The following DGKB variants were observed in gnomAD, a reference collection of about 807,000 sequenced individuals.
DGKB encodes the protein 90 kDa diacylglycerol kinase.
In DGKB, 67 loss-of-function variants were observed where a neutral mutation model predicts 114.3. The ratio of observed to expected loss-of-function variants is 0.59; its 90% CI spans 0.48 to 0.72. The LOEUF (loss-of-function observed/expected upper bound fraction) is 0.72. Ranked by LOEUF, DGKB falls within the 30% of genes least tolerant of loss-of-function variation. The pLI is 0.00. For synonymous variants in DGKB, 398 were observed against 323.1 expected, an observed-to-expected ratio of 1.23 and a Z score of -2.49; for missense variants, 907 against 975.2, an observed-to-expected ratio of 0.93 and a Z score of 0.93.
chr7:14,582,712 C>T (rs141310393), intron 18 of DGKB, among the ~76,000 whole-genome samples: 39 of 152,188 alleles, frequency 2.6e-4, no homozygotes, highest in African/African-American at 9.1e-4. Context: ...ACATCAATTT[C>T]GCACAGACTT....
chr7:14,440,507 A>G (rs29001476), intron 21 of DGKB, among the ~76,000 whole-genome samples: 4,088 of 152,130 alleles, frequency 0.027, 205 homozygotes, highest in African/African-American at 0.093. Context: ...TTTATTTTGT[A>G]GTCTGTTCTT....
intron 23 of DGKB, among the ~76,000 whole-genome samples, chr7:14,200,575 T>C (rs934010927): frequency 3.3e-5 from 5 of 152,094 alleles, no homozygotes; most frequent in African/African-American, 1.2e-4. Context: ...TATTTTCTTA[T>C]ACATATTGTT....
In DGKB at chr7:14,869,878, T is replaced by C. The variant is rs1338464132; in HGVS notation, c.-187-28428A>G. Among the ~76,000 whole-genome samples, 8 of 152,320 alleles carry C rather than the reference T, an allele frequency of 5.3e-5. No homozygotes were observed. The East Asian group carries it at 1.2e-3, about 22-fold the overall frequency. On this transcript the variant is annotated intron_variant, in intron 1 of 25. Coordinates refer to ENST00000402815, the MANE Select transcript of DGKB (RefSeq NM_001350709.2). ...ACAAGAGATGACTCGCTAATGCTCA[T>C]GCTATACCAGATCTAGTTTATGATC...
chr7:14,610,678 C>G (rs1404633462), intron 16 of DGKB, among the ~76,000 whole-genome samples: 1 of 151,962 alleles, frequency 6.6e-6, no homozygotes, highest in Non-Finnish European at 1.5e-5. Context: ...TCTCAATACC[C>G]TCTTTTCCCT....
At chr7:14,221,665 A>G (rs979818277) in intron 23 of DGKB, among the ~76,000 whole-genome samples, 1 of 151,440 alleles carries the variant, frequency 6.6e-6, no homozygotes, top group Non-Finnish European at 1.5e-5. Flanking sequence ...TTTCAGTGTC[A>G]TGATAATACT....
chr7:14,350,719 C>A (rs994653289), intron 21 of DGKB, among the ~76,000 whole-genome samples: 1 of 151,184 alleles, frequency 6.6e-6, no homozygotes, highest in Non-Finnish European at 1.5e-5. Flanking sequence ...AGATACTGAA[C>A]CCATTTTCAA....
intron 1 of DGKB, among the ~76,000 whole-genome samples, chr7:14,889,444 C>T (rs1013558826): frequency 3.3e-5 from 5 of 151,540 alleles, no homozygotes; most frequent in Admixed American, 1.3e-4. Context: ...TTTCTTAGTG[C>T]TTTCTTAGAC....
At chr7:14,781,174 G>C (rs1327173559) in intron 2 of DGKB, among the ~76,000 whole-genome samples, 1 of 152,164 alleles carries the variant, frequency 6.6e-6, no homozygotes, top group African/African-American at 2.4e-5. Context: ...ATGTGTGGTT[G>C]AGCAAGGGGC....
At chr7:14,604,199 G>A (rs1012374274) in intron 17 of DGKB, among the ~76,000 whole-genome samples, 1 of 151,984 alleles carries the variant, frequency 6.6e-6, no homozygotes, top group Admixed American at 6.6e-5. Flanking sequence ...TCAGGATCAG[G>A]GAGAGATGAT....
intron 20 of DGKB, among the ~76,000 whole-genome samples, chr7:14,508,050 C>G (rs559847862): frequency 2.0e-5 from 3 of 152,126 alleles, no homozygotes; most frequent in African/African-American, 7.2e-5. Flanking sequence ...TTCGTCTTTA[C>G]CCAGATGACT....
chr7:14,220,729 A>G (rs960969591), intron 23 of DGKB, among the ~76,000 whole-genome samples: 3 of 151,482 alleles, frequency 2.0e-5, no homozygotes, highest in African/African-American at 7.2e-5. Flanking sequence ...CCATGTTAAC[A>G]ATATTAAGTC....
At position 14,516,239 on chromosome 7, in the gene DGKB, C is replaced by T. The variant is rs62443498; in HGVS notation, c.1771-38014G>A. ...AGTAATATGTTGTTGGAATTCTCAG[C>T]AAATGAAACAAAAAAGTAAACTTTA... On this transcript the variant is annotated intron_variant, in intron 20 of 25. Transcript: ENST00000402815. Among the ~76,000 whole-genome samples the T allele has an allele frequency of 5.3e-3, 803 of 152,104 alleles. 5 individuals are homozygous for T. Among genetic ancestry groups the T allele is most frequent in the Middle Eastern group, 0.017 (5 of 294 alleles).
upstream of DGKB, chr7:14,903,299 A>G (rs1783411751): frequency 6.7e-6 from 1 of 149,852 alleles, no homozygotes; most frequent in Admixed American, 6.8e-5. Flanking sequence ...AGCCCTGCCT[A>G]TCTCTGGCTG....
intron 15 of DGKB, among the ~76,000 whole-genome samples, chr7:14,616,658 C>G (rs1806588772): frequency 6.6e-6 from 1 of 151,628 alleles, no homozygotes; most frequent in Admixed American, 6.6e-5. Flanking sequence ...AGTAGAACAG[C>G]ATATAGAACA....
intron 4 of DGKB, among the ~76,000 whole-genome samples, chr7:14,747,039 A>G (rs1525097): frequency 0.36 from 54,077 of 152,028 alleles, 13,327 homozygotes; most frequent in African/African-American, 0.69. Context: ...TATTTCTACA[A>G]GATGACATCA....
intron 21 of DGKB, among the ~76,000 whole-genome samples, chr7:14,411,560 G>T (rs1045045930): frequency 2.0e-5 from 3 of 152,036 alleles, no homozygotes; most frequent in African/African-American, 4.8e-5. Flanking sequence ...TCTACCACTT[G>T]GTTGCTATGT....
chr7:14,769,587 T>C (rs1278747740), intron 2 of DGKB, among the ~76,000 whole-genome samples: 1 of 151,958 alleles, frequency 6.6e-6, no homozygotes, highest in East Asian at 1.9e-4. Context: ...CGAACACTAT[T>C]TATTTGTTTC....
Position 14,841,406 on chromosome 7 carries a change from T to G in DGKB, c.-143A>C, listed in dbSNP as rs1236913037. The stretch of plus-strand genomic sequence containing the variant: ...TTTCAAAATATGCAATCTGTCCACA[T>G]GAAACTGCTTTGGATGCTTGTAATT... On this transcript the variant is annotated 5_prime_UTR_variant, in exon 2 of 26. The change abolishes an upstream ATG in the 5' untranslated region. Coordinates refer to ENST00000402815, the MANE Select transcript of DGKB (RefSeq NM_001350709.2). The G allele has an allele frequency of 3.4e-6, 2 of 587,536 alleles. No homozygotes were observed. The highest frequency in any genetic ancestry group is 3.5e-5 in the Admixed American group (1 of 28,626). The allele number at this position is 587,536 out of a possible 1,614,324, so 36.4% of individuals were successfully genotyped here. A position where few individuals can be genotyped will look rare whatever the true frequency, so the allele number is the denominator to read the frequency against.
At chr7:14,943,225 C>T (rs1407481422) in intron 1 of DGKB, among the ~76,000 whole-genome samples, 2 of 151,788 alleles carry the variant, frequency 1.3e-5, no homozygotes, top group African/African-American at 4.8e-5. Context: ...ACAAATATTA[C>T]ACATTACTAA....
Sources: allele counts gnomAD v4.1 joint callset (sites outside exome capture counted in the v4.1 genomes callset), GRCh38; gene constraint gnomAD v4.1.1; transcripts MANE v1.5; gene names NCBI Gene and HGNC (gene_info 2026-07-23, HGNC 2026-07-21).